The following SEMA3B variants were observed in gnomAD, a reference collection of about 807,000 sequenced individuals.
SEMA3B encodes the protein semaphorin-3B.
A neutral mutation model predicts 77.8 loss-of-function variants in SEMA3B; 71 were observed. The ratio of observed to expected loss-of-function variants is 0.91; its 90% CI spans 0.75 to 1.11. The LOEUF (loss-of-function observed/expected upper bound fraction) is 1.11, where lower values mean the gene tolerates loss of function less well. Among genes scored for constraint, SEMA3B ranks in the 50% most tolerant of loss-of-function variants. SEMA3B has a pLI of 0.00. For synonymous variants in SEMA3B, 470 were observed against 452.9 expected, an observed-to-expected ratio of 1.04 and a Z score of -0.48; for missense variants, 968 against 1,056.8, an observed-to-expected ratio of 0.92 and a Z score of 1.17.
At position 50,275,613 on chromosome 3, in the gene SEMA3B, G is replaced by A; in HGVS notation, c.1703G>A (p.Gly568Glu). 1.2e-6 allele frequency: 2 copies of A among 1,613,754 alleles called. No homozygotes were observed. Among genetic ancestry groups the A allele is most frequent in the African/African-American group, 1.3e-5 (1 of 75,072 alleles). ...RNGDPSTLCS[G>E]DSSRPALLEH... is the part of the protein sequence containing the mutation. ...GGCGACCCCAGCACGTTGTGCTCCG[G>A]AGGTGAGTGCCCCAGCTGCCCCTAC... Residue 568 changes from glycine (G) to glutamate (E), a missense_variant and splice_region_variant, in exon 15 of 17, where the codon GGA (glycine) becomes GAA (glutamate). By Grantham distance (98) the Gly-to-Glu change is moderately conservative. Coordinates refer to ENST00000616701, the MANE Select transcript of SEMA3B (RefSeq NM_001290060.2). This position sits in a 1 kb window ranked among gnomAD's most constrained non-coding sequence, Gnocchi z 7.5.
In SEMA3B at chr3:50,270,743, CAGCAAGGGCCCCCAGGTCCCTGT is replaced by C; in HGVS notation, c.331-143_331-121del. The C allele has an allele frequency of 7.3e-7, 1 of 1,371,876 alleles. No individual in the cohort carries two copies. The highest frequency in any genetic ancestry group is 9.9e-7 in the Non-Finnish European group (1 of 1,014,278). The allele number at this position is 1,371,876 out of a possible 1,614,324, so 85.0% of individuals were successfully genotyped here. A position where few individuals can be genotyped will look rare whatever the true frequency, so the allele number is the denominator to read the frequency against. On this transcript the variant is annotated intron_variant, in intron 3 of 16. Transcript: ENST00000616701. The surrounding 1 kb of genome is among the most constrained non-coding windows in gnomAD (Gnocchi z 4.7). ...CCACCCTCGTGAGGCCTGGGCTGGT[CAGCAAGGGCCCCCAGGTCCCTGT>C]AGCCCATGTTAGTACTTGCCTGGGC... is the stretch of plus-strand genomic sequence containing the variant.
At chr3:50,267,534 GC>G (rs1310743544), upstream of SEMA3B, 4 of 152,474 alleles carry the variant, frequency 2.6e-5, no homozygotes, top group Non-Finnish European at 5.9e-5. The surrounding 1 kb of genome is among the most constrained non-coding windows in gnomAD (Gnocchi z 5.7). Flanking sequence ...CCGGCTGCCT[GC>G]CCGGTCACCC....
upstream of SEMA3B, among the ~76,000 whole-genome samples, chr3:50,266,097 C>G (rs1227511012): frequency 6.6e-6 from 1 of 152,128 alleles, no homozygotes; most frequent in Non-Finnish European, 1.5e-5. Flanking sequence ...GAAACAGAGA[C>G]AGGGCCCCTG....
upstream of SEMA3B, among the ~76,000 whole-genome samples, chr3:50,267,981 AGGTCTTTGCCCCAGCT>A (rs1553704734): frequency 6.6e-6 from 1 of 152,148 alleles, no homozygotes; most frequent in East Asian, 1.9e-4. The surrounding 1 kb of genome is among the most constrained non-coding windows in gnomAD (Gnocchi z 5.7). Flanking sequence ...CATAGCAGCC[AGGTCTTTGCCCCAGCT>A]GAGGGCCAGG....
rs1701246997 is a variant in SEMA3B at position 50,276,371 on chromosome 3, T to C, written c.1915T>C (p.Ser639Pro). The change falls in exon 17 of 17, where the codon TCG (serine) becomes CCG (proline). Residue 639 changes from serine to proline, a missense_variant. Transcript: ENST00000616701. The surrounding 1 kb of genome is among the most constrained non-coding windows in gnomAD (Gnocchi z 5.8). Reference protein sequence around the residue: ...LLLRRLRRRDSGVYLCAAVEQ... With the variant: ...LLLRRLRRRDPGVYLCAAVEQ... Reference sequence around the variant, plus strand: ...GCTGCGCAGGCTGCGGCGCCGGGACTCGGGCGTGTACTTGTGCGCCGCCGT... The same window carrying C: ...GCTGCGCAGGCTGCGGCGCCGGGACCCGGGCGTGTACTTGTGCGCCGCCGT... 6.5e-7 allele frequency: 1 copy of C among 1,534,898 alleles called. No homozygotes were observed. Among genetic ancestry groups the C allele is most frequent in the African/African-American group, 1.4e-5 (1 of 72,700 alleles).
chr3:50,276,338 G>A lies in SEMA3B; in HGVS notation c.1882G>A (p.Gly628Arg). The change falls in exon 17 of 17, where the codon GGA becomes AGA. Residue 628 changes from glycine (G) to arginine (R), a missense_variant. Coordinates refer to ENST00000616701, the MANE Select transcript of SEMA3B (RefSeq NM_001290060.2). This position sits in a 1 kb window ranked among gnomAD's most constrained non-coding sequence, Gnocchi z 5.8. ...AEERTERTAR[G>R]LLLRRLRRRD... The stretch of plus-strand genomic sequence containing the variant: ...GGAGCGCACCGAGCGCACCGCCCGG[G>A]GACTACTGCTGCGCAGGCTGCGGCG... The A allele has an allele frequency of 8.5e-6, 13 of 1,529,308 alleles. No homozygotes were observed. Among genetic ancestry groups the A allele is most frequent in the Non-Finnish European group, 1.1e-5 (13 of 1,141,918 alleles). The allele number at this position is 1,529,308 out of a possible 1,614,324, so 94.7% of individuals were successfully genotyped here. A position where few individuals can be genotyped will look rare whatever the true frequency, so the allele number is the denominator to read the frequency against.
rs781935792 is a variant in SEMA3B at position 50,275,530 on chromosome 3, G to A, written c.1650-30G>A. On this transcript the variant is annotated intron_variant, in intron 14 of 16. Coordinates refer to ENST00000616701, the MANE Select transcript of SEMA3B (RefSeq NM_001290060.2). This position sits in a 1 kb window ranked among gnomAD's most constrained non-coding sequence, Gnocchi z 7.5. Reference sequence around the variant, plus strand: ...TTTCACTGCCCGGGGCTGAAAGAAGGGCTCACAGAAGATCGGATGTTCCCC... The same window carrying A: ...TTTCACTGCCCGGGGCTGAAAGAAGAGCTCACAGAAGATCGGATGTTCCCC... The A allele has an allele frequency of 1.9e-6, 3 of 1,613,574 alleles. No homozygotes were observed. The highest frequency in any genetic ancestry group is 2.2e-5 in the South Asian group (2 of 91,090).
rs1553706109 is a variant in SEMA3B at position 50,274,474 on chromosome 3, G to C, written c.1249G>C (p.Gly417Arg). 1 of 1,550,212 alleles carries C rather than the reference G, an allele frequency of 6.5e-7. No homozygotes were observed. Among genetic ancestry groups the C allele is most frequent in the East Asian group, 2.3e-5 (1 of 43,778 alleles). The change falls in exon 11 of 17, where the codon GGG becomes CGG. Residue 417 changes from glycine to arginine, a missense_variant. Gly to Arg is a moderately radical substitution (Grantham distance 125, BLOSUM62 -2). Transcript: ENST00000616701. The surrounding 1 kb of genome is among the most constrained non-coding windows in gnomAD (Gnocchi z 4.7). ...LMYNSVLPTG[G>R]RPLFLQVGAN... ...GTACAACTCTGTCCTGCCCACTGGG[G>C]GGCGCCCTCTTTTCCTACAAGTTGG...
At position 50,275,100 on chromosome 3, in the gene SEMA3B, C is replaced by A; in HGVS notation, c.1491+47C>A. On this transcript the variant is annotated intron_variant, in intron 13 of 16. Coordinates refer to ENST00000616701, the MANE Select transcript of SEMA3B (RefSeq NM_001290060.2). This position sits in a 1 kb window ranked among gnomAD's most constrained non-coding sequence, Gnocchi z 7.5. The stretch of plus-strand genomic sequence containing the variant: ...CGGGGTGGGATGGACTGAGCTTGTG[C>A]CTGGCGCGTCCCAAGCCTCTGGCCC... 6.5e-7 allele frequency: 1 copy of A among 1,534,182 alleles called. No homozygotes were observed. The highest frequency in any genetic ancestry group is 8.8e-7 in the Non-Finnish European group (1 of 1,137,848).
upstream of SEMA3B, among the ~76,000 whole-genome samples, chr3:50,266,412 GC>G (rs1355146495): frequency 1.3e-5 from 2 of 152,168 alleles, no homozygotes; most frequent in African/African-American, 4.8e-5. Context: ...CTGCCAGCTG[GC>G]CAGGCCAGGC....
In SEMA3B at chr3:50,270,632, G is replaced by C. The variant is rs1020969516; in HGVS notation, c.330+137G>C. The C allele has an allele frequency of 4.0e-6, 5 of 1,236,760 alleles. No homozygotes were observed. The African/African-American group carries it at 6.0e-5, about 15-fold the overall frequency. The allele number at this position is 1,236,760 out of a possible 1,614,324, so 76.6% of individuals were successfully genotyped here. ...GTCGAGGTGGCTGAGGTCTGGGGGTGGTGAGTCAGGGTGGGGGCTCGTGTA... is the reference window on the plus strand; with the variant it reads ...GTCGAGGTGGCTGAGGTCTGGGGGTCGTGAGTCAGGGTGGGGGCTCGTGTA... On this transcript the variant is annotated intron_variant, in intron 3 of 16. Coordinates refer to ENST00000616701, the MANE Select transcript of SEMA3B (RefSeq NM_001290060.2). The surrounding 1 kb of genome is among the most constrained non-coding windows in gnomAD (Gnocchi z 4.7).
Position 50,274,782 on chromosome 3 carries a change from G to T in SEMA3B, c.1358-61G>T. 1 of 1,562,418 alleles carries T rather than the reference G, an allele frequency of 6.4e-7. No individual in the cohort carries two copies. The highest frequency in any genetic ancestry group is 1.1e-5 in the South Asian group (1 of 87,620). The stretch of plus-strand genomic sequence containing the variant: ...TGAGGGTAGACGCCTCAAAGGCGAG[G>T]AGACACTAGCCCCAGCTGTCCGGGA... On this transcript the variant is annotated intron_variant, in intron 11 of 16. Transcript: ENST00000616701. The surrounding 1 kb of genome is among the most constrained non-coding windows in gnomAD (Gnocchi z 4.7).
In SEMA3B at chr3:50,276,265, C is replaced by A; in HGVS notation, c.1846-37C>A. Reference sequence around the variant, plus strand: ...TAGGGCCCGGAAGCCCTGTTCCCGGCCCGACACCCCCGCCTCACGCTGCCC... The same window carrying A: ...TAGGGCCCGGAAGCCCTGTTCCCGGACCGACACCCCCGCCTCACGCTGCCC... On this transcript the variant is annotated intron_variant, in intron 16 of 16. Transcript: ENST00000616701. This position sits in a 1 kb window ranked among gnomAD's most constrained non-coding sequence, Gnocchi z 5.8. 1 of 1,444,660 alleles carries A rather than the reference C, an allele frequency of 6.9e-7. No homozygotes were observed. Among genetic ancestry groups the A allele is most frequent in the Non-Finnish European group, 9.1e-7 (1 of 1,103,306 alleles). 89.5% of individuals were successfully genotyped at this position (1,444,660 alleles called of 1,614,324 possible).
At chr3:50,271,810 A>G (rs1489257558) in intron 6 of SEMA3B, among the ~76,000 whole-genome samples, 3 of 152,230 alleles carry the variant, frequency 2.0e-5, no homozygotes, top group Non-Finnish European at 4.4e-5. Flanking sequence ...TCCCAAGCAC[A>G]AGACAGCTAG....
At position 50,274,717 on chromosome 3, in the gene SEMA3B, C is replaced by T. The variant is rs914151760; in HGVS notation, c.1358-126C>T. 20 of 1,387,832 alleles carry T rather than the reference C, an allele frequency of 1.4e-5. No individual in the cohort carries two copies. The highest frequency in any genetic ancestry group is 2.0e-5 in the Admixed American group (1 of 48,912). The allele number at this position is 1,387,832 out of a possible 1,614,324, so 86.0% of individuals were successfully genotyped here. ...TCCACCCTGTGGATGCTGCCCAACC[C>T]ACACTCTTCCAGTCCACACTCTTCA... On this transcript the variant is annotated intron_variant, in intron 11 of 16. Transcript: ENST00000616701. This position sits in a 1 kb window ranked among gnomAD's most constrained non-coding sequence, Gnocchi z 4.7.
chr3:50,267,921 G>A (rs960046265), upstream of SEMA3B, among the ~76,000 whole-genome samples: 1 of 152,140 alleles, frequency 6.6e-6, no homozygotes, highest in African/African-American at 2.4e-5. This position sits in a 1 kb window ranked among gnomAD's most constrained non-coding sequence, Gnocchi z 5.7. Flanking sequence ...CCACTCCCTG[G>A]GCTCCTGTGT....
chr3:50,266,295 A>T (rs1354139938), upstream of SEMA3B, among the ~76,000 whole-genome samples: 2 of 152,130 alleles, frequency 1.3e-5, no homozygotes, highest in Admixed American at 1.3e-4. Context: ...CTACTCCTGG[A>T]GTAGGAAAAG....
upstream of SEMA3B, among the ~76,000 whole-genome samples, chr3:50,264,049 A>T (rs919298099): frequency 6.6e-6 from 1 of 152,102 alleles, no homozygotes; most frequent in East Asian, 1.9e-4. Flanking sequence ...AAAAAATAAT[A>T]ATACAAAAAA....
chr3:50,263,673 C>A (rs929923717), upstream of SEMA3B, among the ~76,000 whole-genome samples: 2 of 151,864 alleles, frequency 1.3e-5, no homozygotes, highest in African/African-American at 4.8e-5. Context: ...CCCAGGGATA[C>A]AGCCTGGGGG....
Sources: allele counts gnomAD v4.1 joint callset (sites outside exome capture counted in the v4.1 genomes callset), GRCh38; gene constraint gnomAD v4.1.1; non-coding constraint Gnocchi (gnomAD v3.1); transcripts MANE v1.5; gene names NCBI Gene and HGNC (gene_info 2026-07-23, HGNC 2026-07-21).